The following KIRREL1 variants were observed in gnomAD, a reference collection of about 807,000 sequenced individuals.
KIRREL1 encodes the protein kin of IRRE-like protein 1.
KIRREL1 carries 25 observed loss-of-function variants against 83.3 expected under a neutral mutation model. The observed-to-expected ratio is 0.30, with a 90% confidence interval of 0.22 to 0.42. The LOEUF (loss-of-function observed/expected upper bound fraction) is 0.42. Among genes scored for constraint, KIRREL1 ranks in the 10% least tolerant of loss-of-function variants. KIRREL1 has a pLI of 1.00. For missense variants in KIRREL1, 812 were observed against 1,032.3 expected, an observed-to-expected ratio of 0.79 and a Z score of 2.92; for synonymous variants, 388 against 410.4, an observed-to-expected ratio of 0.95 and a Z score of 0.66.
intron 11 of KIRREL1, among the ~76,000 whole-genome samples, chr1:158,092,719 C>T (rs990546257): frequency 7.2e-5 from 11 of 151,972 alleles, no homozygotes; most frequent in African/African-American, 1.7e-4. Flanking sequence ...GATACAGTAA[C>T]GTGGGGCTCC....
chr1:158,034,069 C>CGAGACCATCTGGACTAA (rs1166320789), intron 1 of KIRREL1, among the ~76,000 whole-genome samples: 1 of 151,608 alleles, frequency 6.6e-6, no homozygotes, highest in Admixed American at 6.6e-5. Context: ...GTCAGGAAAT[C>CGAGACCATCTGGACTAA]GAGACCATCT....
rs372112506 is a variant in KIRREL1 at position 158,091,434 on chromosome 1, G to A, written c.1349G>A (p.Ser450Asn). 1.9e-5 allele frequency: 31 copies of A among 1,614,034 alleles called. No individual in the cohort carries two copies. The African/African-American group carries it at 4.1e-4, about 22-fold the overall frequency. Reference protein sequence around the residue: ...RYTVERTNSGSGVLSTLTINN... With the variant: ...RYTVERTNSGNGVLSTLTINN... Reference sequence around the variant, plus strand: ...ACAGTGGAGAGGACCAACTCAGGCAGTGGGGTGCTATCCACGCTCACCATC... The same window carrying A: ...ACAGTGGAGAGGACCAACTCAGGCAATGGGGTGCTATCCACGCTCACCATC... Residue 450 changes from serine to asparagine, a missense_variant, in exon 11 of 15, where the codon AGT becomes AAT. By Grantham distance (46) the Ser-to-Asn change is conservative (BLOSUM62 1). Around this residue, in one of 3 missense-constraint regions of KIRREL1, gnomAD observed 472 missense variants for 626.8 expected, o/e 0.75. Transcript: ENST00000359209.
chr1:158,005,851 G>A (rs1052412627), intron 1 of KIRREL1, among the ~76,000 whole-genome samples: 6 of 152,086 alleles, frequency 3.9e-5, no homozygotes, highest in Non-Finnish European at 8.8e-5. Context: ...TCTGCGCGCA[G>A]AACCCCAGGC....
At chr1:158,073,847 T>G (rs1240400128) in intron 1 of KIRREL1, among the ~76,000 whole-genome samples, 2 of 152,204 alleles carry the variant, frequency 1.3e-5, no homozygotes, top group Non-Finnish European at 2.9e-5. Flanking sequence ...AGGAGCCAGC[T>G]GCTCACTGTC....
chr1:158,088,476 CTTTTTTTT>C (rs139451609), intron 8 of KIRREL1, 22 bp downstream of exon 8: 372 of 830,636 alleles, frequency 4.5e-4, no homozygotes, highest in Middle Eastern at 1.5e-3. Context: ...ACTGCCTGTT[CTTTTTTTT>C]TTTTTTTTTT....
chr1:158,089,352 A>G, intron 8 of KIRREL1, 150 bp from the exon 9 acceptor site: 2 of 1,242,518 alleles, frequency 1.6e-6, no homozygotes, highest in South Asian at 1.4e-5. Flanking sequence ...CAGAGCATGG[A>G]CCAAAATGGA....
At chr1:158,018,728 A>AGG (rs1298684341) in intron 1 of KIRREL1, among the ~76,000 whole-genome samples, 1 of 152,050 alleles carries the variant, frequency 6.6e-6, no homozygotes, top group African/African-American at 2.4e-5. Context: ...AAGGGTAAAG[A>AGG]GGGGGCCTCC....
At chr1:158,019,893 CA>C (rs1284869793) in intron 1 of KIRREL1, among the ~76,000 whole-genome samples, 2 of 152,128 alleles carry the variant, frequency 1.3e-5, no homozygotes, top group Non-Finnish European at 2.9e-5. Context: ...AAGAAAGTCC[CA>C]AGTCTGGGAA....
intron 1 of KIRREL1, among the ~76,000 whole-genome samples, chr1:158,046,010 G>T (rs1214679753): frequency 2.6e-5 from 4 of 152,200 alleles, no homozygotes; most frequent in Non-Finnish European, 5.9e-5. Context: ...GAATGAAATG[G>T]GAAGTCACTG....
intron 8 of KIRREL1, among the ~76,000 whole-genome samples, chr1:158,089,118 T>C (rs1242030679): frequency 1.3e-5 from 2 of 152,088 alleles, no homozygotes; most frequent in South Asian, 2.1e-4. Flanking sequence ...AGTCTACAGC[T>C]CTGCAGAGAC....
At chr1:158,005,846 G>A (rs922627048) in intron 1 of KIRREL1, among the ~76,000 whole-genome samples, 18 of 152,052 alleles carry the variant, frequency 1.2e-4, no homozygotes, top group Admixed American at 3.9e-4. Flanking sequence ...CCTTCTCTGC[G>A]CGCAGAACCC....
At chr1:158,003,801 GA>G (rs5778061) in intron 1 of KIRREL1, among the ~76,000 whole-genome samples, 56,150 of 147,822 alleles carry the variant, frequency 0.38, 11,170 homozygotes, top group East Asian at 0.63. Flanking sequence ...CTCTGACTTT[GA>G]AAAAAAAAAA....
At chr1:158,051,214 C>T (rs1322617116) in intron 1 of KIRREL1, among the ~76,000 whole-genome samples, 1 of 152,158 alleles carries the variant, frequency 6.6e-6, no homozygotes, top group Non-Finnish European at 1.5e-5. Context: ...GGTGCCTTCC[C>T]CTGTCCCCTT....
intron 1 of KIRREL1, among the ~76,000 whole-genome samples, chr1:158,022,677 C>T (rs1660031340): frequency 6.6e-6 from 1 of 152,188 alleles, no homozygotes; most frequent in African/African-American, 2.4e-5. Flanking sequence ...GAAATCCAGG[C>T]CCTGAGATTT....
chr1:158,030,429 G>A (rs1485933065), intron 1 of KIRREL1, among the ~76,000 whole-genome samples: 2 of 152,178 alleles, frequency 1.3e-5, no homozygotes, highest in Non-Finnish European at 2.9e-5. Context: ...AGCTCTATAG[G>A]ACTTCTCTGG....
intron 1 of KIRREL1, among the ~76,000 whole-genome samples, chr1:158,024,003 A>G (rs1414870694): frequency 6.6e-6 from 1 of 152,156 alleles, no homozygotes. Context: ...GCTGGAGTGC[A>G]GTGGCATGAT....
chr1:158,064,146 A>G (rs903845345), intron 1 of KIRREL1, among the ~76,000 whole-genome samples: 2 of 152,204 alleles, frequency 1.3e-5, no homozygotes, highest in East Asian at 1.9e-4. Context: ...CTAAGATTAC[A>G]TTTATTGCCT....
At chr1:158,083,453 G>C (rs181632533) in intron 3 of KIRREL1, among the ~76,000 whole-genome samples, 10 of 152,338 alleles carry the variant, frequency 6.6e-5, no homozygotes, top group Admixed American at 5.9e-4. Flanking sequence ...TGTGGGAGAA[G>C]GGCATGCCAT....
In KIRREL1 at chr1:158,006,084, G is replaced by A. The variant is rs79364239; in HGVS notation, c.52+12356G>A. ...AACACAGGCAAAGTACAGATGGGGC[G>A]AGATCAATAGATTGGGCTTCTTGGA... is the stretch of plus-strand genomic sequence containing the variant. On this transcript the variant is annotated intron_variant, in intron 1 of 14. Transcript: ENST00000359209. 7.0e-3 allele frequency among the ~76,000 whole-genome samples: 1,072 copies of A among 152,308 alleles called. 13 individuals carry two copies. The highest frequency in any genetic ancestry group is 0.025 in the African/African-American group (1,027 of 41,568).
Sources: allele counts gnomAD v4.1 joint callset (sites outside exome capture counted in the v4.1 genomes callset), GRCh38; gene constraint gnomAD v4.1.1; regional missense constraint gnomAD v4.1.1; transcripts MANE v1.5; gene names NCBI Gene and HGNC (gene_info 2026-07-23, HGNC 2026-07-21).